The following WDR19 variants were observed in gnomAD, a reference collection of about 807,000 sequenced individuals.
The protein encoded by WDR19 is WD repeat domain 19.
A neutral mutation model predicts 180.0 loss-of-function variants in WDR19; 121 were observed. The ratio of observed to expected loss-of-function variants is 0.67; its 90% confidence interval spans 0.58 to 0.78. The LOEUF (loss-of-function observed/expected upper bound fraction) is 0.78. Ranked by LOEUF, WDR19 falls within the 30% of genes least tolerant of loss-of-function variation. The probability of loss-of-function intolerance (pLI) is 0.00; values close to 1 mark genes in which losing one functional copy is unlikely to be tolerated. For missense variants in WDR19, 1,450 were observed against 1,640.7 expected (o/e 0.88, Z 2.01); for synonymous variants, 497 against 540.7 (o/e 0.92, Z 1.12).
chr4:39,249,345 G>A (rs1017139428), intron 24 of WDR19, among the ~76,000 whole-genome samples: 4 of 152,046 alleles, frequency 2.6e-5, no homozygotes, highest in African/African-American at 7.2e-5. Context: ...ATTCAAAGCA[G>A]TGTGTAGAGG....
At chr4:39,241,831 G>A (rs1731988054) in intron 21 of WDR19, among the ~76,000 whole-genome samples, 1 of 149,644 alleles carries the variant, frequency 6.7e-6, no homozygotes, top group Non-Finnish European at 1.5e-5. Context: ...AGAAAAGTGA[G>A]TCCAATATTC....
At chr4:39,232,572 C>T (rs1730990367) in intron 19 of WDR19, among the ~76,000 whole-genome samples, 1 of 152,058 alleles carries the variant, frequency 6.6e-6, no homozygotes, top group Non-Finnish European at 1.5e-5. Context: ...TTGCAGTGAG[C>T]CTGTAATCCC....
chr4:39,266,335 G>A (rs1169328207), intron 29 of WDR19, among the ~76,000 whole-genome samples, 195 bp downstream of exon 29: 1 of 151,956 alleles, frequency 6.6e-6, no homozygotes, highest in Non-Finnish European at 1.5e-5. Context: ...ATTGTCTTGG[G>A]CCACACATAA....
At position 39,223,587 on chromosome 4, in the gene WDR19, C is replaced by T. The variant is rs547236820; in HGVS notation, c.1480-1297C>T. Among the ~76,000 whole-genome samples the T allele has an allele frequency of 8.5e-5, 13 of 152,282 alleles. No homozygotes were observed. In the East Asian group the frequency reaches 1.7e-3, roughly 20 times the overall value. On this transcript the variant is annotated intron_variant, in intron 14 of 36. Transcript: ENST00000399820. Reference sequence around the variant, plus strand: ...TGGAACTCCTGACCTCGTGATCCACCCACTTCGGCCTCCCAATGTGCTGGG... The same window carrying T: ...TGGAACTCCTGACCTCGTGATCCACTCACTTCGGCCTCCCAATGTGCTGGG...
At chr4:39,214,707 A>C in intron 10 of WDR19, 36 bp downstream of exon 10, 1 of 1,311,932 alleles carries the variant, frequency 7.6e-7, no homozygotes, top group Non-Finnish European at 1.1e-6. Flanking sequence ...ACATTTTATC[A>C]TTCCAGTTAC....
At chr4:39,219,341 A>G (rs1011814784) in intron 14 of WDR19, among the ~76,000 whole-genome samples, 4 of 152,212 alleles carry the variant, frequency 2.6e-5, no homozygotes, top group Non-Finnish European at 5.9e-5. Context: ...TCACTAGGCA[A>G]TAGGAATTTT....
At chr4:39,224,444 A>G (rs1730022996) in intron 14 of WDR19, among the ~76,000 whole-genome samples, 1 of 151,910 alleles carries the variant, frequency 6.6e-6, no homozygotes, top group Admixed American at 6.6e-5. Context: ...GCAATGGTGC[A>G]ATCTCGGCTC....
chr4:39,253,853 G>A (rs1366885099), intron 25 of WDR19, 53 bp from the exon 26 acceptor site: 2 of 1,442,566 alleles, frequency 1.4e-6, no homozygotes, highest in Non-Finnish European at 1.9e-6. Flanking sequence ...GAAAAATTTT[G>A]TAAATCACAA....
intron 5 of WDR19, 66 bp from the exon 6 acceptor site, chr4:39,199,412 A>T (rs1727137710): frequency 1.7e-6 from 2 of 1,199,766 alleles, no homozygotes; most frequent in Non-Finnish European, 2.4e-6. Flanking sequence ...CTATATTCAG[A>T]TTGGCATCAC....
At chr4:39,240,417 G>T (rs1376056897) in intron 21 of WDR19, 83 bp downstream of exon 21, 1 of 834,806 alleles carries the variant, frequency 1.2e-6, no homozygotes, top group Non-Finnish European at 1.7e-6. Context: ...GGTCTTATTT[G>T]TATTGTATTT....
intron 15 of WDR19, among the ~76,000 whole-genome samples, chr4:39,226,981 T>A (rs984836817): frequency 1.3e-5 from 2 of 152,204 alleles, no homozygotes; most frequent in African/African-American, 4.8e-5. Context: ...GTTTCTTGAC[T>A]TAATAATCGC....
At chr4:39,192,759 G>A (rs1488983760) in intron 4 of WDR19, among the ~76,000 whole-genome samples, 1 of 152,236 alleles carries the variant, frequency 6.6e-6, no homozygotes, top group African/African-American at 2.4e-5. Context: ...ACCGTGCCCA[G>A]CCCATTAAAT....
chr4:39,244,844 C>A (rs999120112), intron 23 of WDR19, among the ~76,000 whole-genome samples: 1 of 151,822 alleles, frequency 6.6e-6, no homozygotes, highest in Admixed American at 6.6e-5. Flanking sequence ...ATTTTCCTAC[C>A]TTTAGGGGAG....
chr4:39,205,895 A>G, intron 9 of WDR19, 159 bp downstream of exon 9: 1 of 682,276 alleles, frequency 1.5e-6, no homozygotes, highest in East Asian at 2.8e-5. Context: ...GCAAAAATAT[A>G]AAACAAAGTA....
intron 21 of WDR19, among the ~76,000 whole-genome samples, chr4:39,242,529 A>G (rs935749176): frequency 6.6e-6 from 1 of 152,164 alleles, no homozygotes; most frequent in Non-Finnish European, 1.5e-5. Flanking sequence ...TCTATCATCA[A>G]AAATACTGCA....
At position 39,277,034 on chromosome 4, in the gene WDR19, C is replaced by A; in HGVS notation, c.3731C>A (p.Ser1244Tyr). The A allele has an allele frequency of 6.2e-7, 1 of 1,613,766 alleles. No individual in the cohort carries two copies. The highest frequency in any genetic ancestry group is 8.5e-7 in the Non-Finnish European group (1 of 1,179,846). The change falls in exon 34 of 37, where the codon TCT becomes TAT. Residue 1244 changes from serine to tyrosine, a missense_variant. Physicochemically the swap from Ser to Tyr is moderately radical, Grantham distance 144. Coordinates refer to ENST00000399820, the MANE Select transcript of WDR19 (RefSeq NM_025132.4). ...IEGMVRRPDI[S>Y]EIEEATTPCP... is the part of the protein sequence containing the mutation. ...CTTCCTCACAGGAGACCCGATATAT[C>A]TGAGATAGAAGAGGCCACGACTCCA...
At chr4:39,257,663 A>G in intron 28 of WDR19, 109 bp downstream of exon 28, 1 of 949,432 alleles carries the variant, frequency 1.1e-6, no homozygotes. Flanking sequence ...ACAAACCCCT[A>G]CATACCTATC....
chr4:39,205,577 G>T lies in WDR19; in HGVS notation c.731G>T (p.Arg244Leu), dbSNP rs527709762. The change falls in exon 9 of 37, where the codon CGC becomes CTC. Residue 244 changes from arginine to leucine, a missense_variant. Coordinates refer to ENST00000399820, the MANE Select transcript of WDR19 (RefSeq NM_025132.4). ...CTTTGCTATAGGTATGGTGATGGCC[G>T]CATCATGATTGGTTTTTCATGTGGA... Reference protein sequence around the residue: ...IVCYNWYGDGRIMIGFSCGHF... With the variant: ...IVCYNWYGDGLIMIGFSCGHF... The T allele has an allele frequency of 6.2e-7, 1 of 1,612,692 alleles. No homozygotes were observed. Among genetic ancestry groups the T allele is most frequent in the Non-Finnish European group, 8.5e-7 (1 of 1,179,348 alleles).
intron 21 of WDR19, among the ~76,000 whole-genome samples, chr4:39,242,392 G>A (rs993237110): frequency 1.3e-4 from 20 of 152,054 alleles, no homozygotes; most frequent in African/African-American, 4.6e-4. Context: ...TAAGCACTGC[G>A]ATTACAGGCA....
Sources: gnomAD v4.1 joint callset for allele counts (sites outside exome capture counted in the v4.1 genomes callset) on GRCh38, gnomAD v4.1.1 for gene constraint, MANE v1.5 for transcripts, NCBI Gene and HGNC (gene_info 2026-07-23, HGNC 2026-07-21) for gene names.